The following PARD3B variants were observed in gnomAD, a reference collection of about 807,000 sequenced individuals.
The protein encoded by PARD3B is par-3 family cell polarity regulator beta, also known as partitioning defective 3 homolog B.
PARD3B carries 103 observed loss-of-function variants against 130.2 expected under a neutral mutation model. The observed-to-expected ratio is 0.79, with a 90% confidence interval of 0.67 to 0.93. PARD3B has a LOEUF of 0.93. Among genes scored for constraint, PARD3B ranks in the 40% least tolerant of loss-of-function variants. The pLI is 0.00. For missense variants in PARD3B, 1,609 were observed against 1,499.2 expected, an observed-to-expected ratio of 1.07 and a Z score of -1.21; for synonymous variants, 583 against 553.2, an observed-to-expected ratio of 1.05 and a Z score of -0.76.
At position 205,047,566 on chromosome 2, in the gene PARD3B, C is replaced by T. The variant is rs779587027; in HGVS notation, c.395-15C>T. The T allele has an allele frequency of 2.0e-6, 3 of 1,529,740 alleles. No homozygotes were observed. Among genetic ancestry groups the T allele is most frequent in the Non-Finnish European group, 2.7e-6 (3 of 1,129,092 alleles). 94.8% of individuals were successfully genotyped at this position (1,529,740 alleles called of 1,614,324 possible). On this transcript the variant is annotated splice_polypyrimidine_tract_variant and intron_variant, in intron 3 of 22. Coordinates refer to ENST00000406610, the MANE Select transcript of PARD3B (RefSeq NM_001302769.2). ...AGGGTTCTTTTGACCTCTCACCTCT[C>T]ACTTTGTCTTCCAGGCACTCCACTG...
chr2:204,640,202 G>A (rs139348554), intron 1 of PARD3B, among the ~76,000 whole-genome samples: 1 of 152,258 alleles, frequency 6.6e-6, no homozygotes, highest in African/African-American at 2.4e-5. Flanking sequence ...GGTGCAGTGA[G>A]CAGTGATCGC....
intron 1 of PARD3B, among the ~76,000 whole-genome samples, chr2:204,622,987 C>T (rs901319624): frequency 6.6e-6 from 1 of 151,812 alleles, no homozygotes; most frequent in African/African-American, 2.4e-5. Context: ...TGATATATGC[C>T]TCTTTCATTT....
At position 205,259,507 on chromosome 2, in the gene PARD3B, C is replaced by T. The variant is rs544174539; in HGVS notation, c.2185+13685C>T. 6.2e-4 allele frequency among the ~76,000 whole-genome samples: 94 copies of T among 152,200 alleles called. No individual in the cohort carries two copies. The South Asian group carries it at 0.018, about 30-fold the overall frequency. ...ACTCTTAAATTCTCTTTGTCCTTGA[C>T]GTTCACTTTCACTACAGTCTAGGTT... is the stretch of plus-strand genomic sequence containing the variant. On this transcript the variant is annotated intron_variant, in intron 16 of 22. Coordinates refer to ENST00000406610, the MANE Select transcript of PARD3B (RefSeq NM_001302769.2).
chr2:204,730,943 CTT>C (rs917155812), intron 2 of PARD3B, among the ~76,000 whole-genome samples: 10 of 152,162 alleles, frequency 6.6e-5, no homozygotes, highest in African/African-American at 2.2e-4. Flanking sequence ...CAAAATCACT[CTT>C]TGCCCAGATT....
intron 4 of PARD3B, among the ~76,000 whole-genome samples, chr2:205,092,072 C>T (rs1206866591): frequency 6.6e-6 from 1 of 152,046 alleles, no homozygotes; most frequent in African/African-American, 2.4e-5. Context: ...AAGCAGAAGG[C>T]TACTAGAGGG....
At chr2:205,459,391 C>G (rs566354150) in intron 20 of PARD3B, among the ~76,000 whole-genome samples, 7 of 151,566 alleles carry the variant, frequency 4.6e-5, no homozygotes, top group Admixed American at 1.3e-4. Flanking sequence ...AAATAGAAAC[C>G]CTTATCTTTT....
Position 204,778,164 on chromosome 2 carries a change from AG to A in PARD3B, c.222+91883del, listed in dbSNP as rs1166927583. 3.3e-5 allele frequency among the ~76,000 whole-genome samples: 5 copies of A among 151,666 alleles called. No individual in the cohort carries two copies. The East Asian group carries it at 7.8e-4, about 24-fold the overall frequency. On this transcript the variant is annotated intron_variant, in intron 2 of 22. Coordinates refer to ENST00000406610, the MANE Select transcript of PARD3B (RefSeq NM_001302769.2). The stretch of plus-strand genomic sequence containing the variant: ...CCTCTATCAAAAAAAAAAAAAAAAA[AG>A]ATCGTCATCTTGTTCCTCTATATTC...
At chr2:205,092,984 C>G (rs1183746128) in intron 4 of PARD3B, among the ~76,000 whole-genome samples, 1 of 152,122 alleles carries the variant, frequency 6.6e-6, no homozygotes, top group South Asian at 2.1e-4. Context: ...AGTGCATTCT[C>G]TTTTACTTCA....
intron 18 of PARD3B, among the ~76,000 whole-genome samples, chr2:205,381,029 T>TATGA (rs1194660288): frequency 3.9e-5 from 1 of 25,374 alleles, no homozygotes; most frequent in Admixed American, 9.0e-4. Context: ...ATATGATATA[T>TATGA]TATATATAAA....
At chr2:204,578,679 G>A (rs1404850336) in intron 1 of PARD3B, among the ~76,000 whole-genome samples, 1 of 152,122 alleles carries the variant, frequency 6.6e-6, no homozygotes, top group African/African-American at 2.4e-5. Context: ...CTACACAGGT[G>A]ATAAAAATTC....
At chr2:204,592,756 A>C (rs1373834676) in intron 1 of PARD3B, among the ~76,000 whole-genome samples, 2 of 151,888 alleles carry the variant, frequency 1.3e-5, no homozygotes, top group Non-Finnish European at 2.9e-5. Context: ...AAGAAACCCC[A>C]CTCTTCTTAC....
chr2:204,587,689 G>A (rs2125089626), intron 1 of PARD3B, among the ~76,000 whole-genome samples: 1 of 152,228 alleles, frequency 6.6e-6, no homozygotes, highest in South Asian at 2.1e-4. Context: ...GTACCATCTT[G>A]ATTGGTTTTT....
chr2:204,627,918 A>G (rs2034541503), intron 1 of PARD3B, among the ~76,000 whole-genome samples: 1 of 151,638 alleles, frequency 6.6e-6, no homozygotes, highest in African/African-American at 2.4e-5. Context: ...CTGCAGCCCC[A>G]GGTTGCCTTT....
intron 2 of PARD3B, among the ~76,000 whole-genome samples, chr2:204,721,045 C>G (rs909758758): frequency 3.9e-5 from 6 of 152,090 alleles, no homozygotes; most frequent in African/African-American, 1.4e-4. Flanking sequence ...CCTACTGAAT[C>G]AGAATCTGTG....
rs116096392 is a variant in PARD3B, at chr2:204,648,308, C to A, written c.121-37873C>A. On this transcript the variant is annotated intron_variant, in intron 1 of 22. Transcript: ENST00000406610. The stretch of plus-strand genomic sequence containing the variant: ...ATAATAAAATGCATAAATTTTAATA[C>A]CTTTTGAGCTTTAAAATATGTATAT... Among the ~76,000 whole-genome samples the A allele has an allele frequency of 8.3e-3, 1,249 of 150,662 alleles. 9 individuals carry two copies. The highest frequency in any genetic ancestry group is 0.028 in the African/African-American group (1,148 of 41,208).
At chr2:205,261,514 CA>C (rs2040311027) in intron 16 of PARD3B, among the ~76,000 whole-genome samples, 1 of 152,070 alleles carries the variant, frequency 6.6e-6, no homozygotes. Context: ...TCTCTTTTGA[CA>C]AGACAATCCA....
chr2:205,457,248 G>A (rs2048308166), intron 20 of PARD3B, among the ~76,000 whole-genome samples: 1 of 151,902 alleles, frequency 6.6e-6, no homozygotes, highest in African/African-American at 2.4e-5. Flanking sequence ...TCCATTTTAA[G>A]TTATCAAATG....
intron 3 of PARD3B, among the ~76,000 whole-genome samples, chr2:205,034,088 CTTATTTA>C (rs1697624143): frequency 6.6e-6 from 1 of 152,154 alleles, no homozygotes; most frequent in Non-Finnish European, 1.5e-5. Context: ...ACAGTAGCAA[CTTATTTA>C]CATACTAGAC....
intron 3 of PARD3B, among the ~76,000 whole-genome samples, chr2:204,990,665 T>A (rs932721281): frequency 2.8e-4 from 43 of 152,070 alleles, no homozygotes; most frequent in African/African-American, 1.0e-3. Context: ...GCTACAAATA[T>A]CTTGCCCCAG....
Sources: gnomAD v4.1 joint callset for allele counts (sites outside exome capture counted in the v4.1 genomes callset) on GRCh38, gnomAD v4.1.1 for gene constraint, MANE v1.5 for transcripts, NCBI Gene and HGNC (gene_info 2026-07-23, HGNC 2026-07-21) for gene names.